CAMK1D: variants seen among roughly 807,000 people sequenced by gnomAD.
CAMK1D encodes calcium/calmodulin dependent protein kinase ID, also known as calcium/calmodulin-dependent protein kinase type 1D.
Under a neutral mutation model 47.7 loss-of-function variants are expected in CAMK1D, and 9 were observed. That is an observed-to-expected ratio of 0.19 (90% confidence interval 0.11 to 0.33). The LOEUF (loss-of-function observed/expected upper bound fraction) is 0.33, where lower values mean the gene tolerates loss of function less well. Among genes scored for constraint, CAMK1D ranks in the 10% least tolerant of loss-of-function variants. The pLI, the probability that CAMK1D is intolerant of heterozygous loss-of-function variation, is 1.00. For missense variants in CAMK1D, 291 were observed against 488.7 expected, an observed-to-expected ratio of 0.60 and a Z score of 3.81; for synonymous variants, 184 against 184.9, an observed-to-expected ratio of 0.99 and a Z score of 0.04.
intron 1 of CAMK1D, among the ~76,000 whole-genome samples, chr10:12,484,382 C>G (rs1468700047): frequency 1.3e-5 from 2 of 152,156 alleles, no homozygotes; most frequent in African/African-American, 4.8e-5. Flanking sequence ...AGATCCTGGG[C>G]TAAAACAGGA....
intron 1 of CAMK1D, among the ~76,000 whole-genome samples, chr10:12,482,283 G>C (rs761869563): frequency 9.2e-5 from 14 of 152,162 alleles, no homozygotes; most frequent in Non-Finnish European, 1.3e-4. Context: ...GGAAGCTGGG[G>C]GTGGTTCTGG....
intron 3 of CAMK1D, chr10:12,760,657 T>A (rs909309015): frequency 3.9e-6 from 1 of 254,346 alleles, no homozygotes. Context: ...AGGGTTTTTT[T>A]AAACTTTACA....
intron 6 of CAMK1D, among the ~76,000 whole-genome samples, chr10:12,812,289 A>G (rs1054052331): frequency 4.6e-5 from 7 of 152,166 alleles, no homozygotes; most frequent in African/African-American, 1.4e-4. Context: ...ATGTTGATCT[A>G]TGTGGTACAA....
intron 3 of CAMK1D, among the ~76,000 whole-genome samples, chr10:12,725,093 G>A (rs1470312281): frequency 6.6e-6 from 1 of 152,172 alleles, no homozygotes; most frequent in Admixed American, 6.5e-5. Context: ...CGTGTGGACT[G>A]GGGGCAGCTG....
chr10:12,657,352 G>C (rs1014415723), intron 2 of CAMK1D, among the ~76,000 whole-genome samples: 1 of 152,076 alleles, frequency 6.6e-6, no homozygotes, highest in African/African-American at 2.4e-5. Context: ...TTGAACCTAG[G>C]AGGCTGAGGT....
intron 8 of CAMK1D, 53 bp downstream of exon 8, chr10:12,816,381 G>A (rs1235999181): frequency 1.9e-5 from 27 of 1,447,782 alleles, no homozygotes. Flanking sequence ...CATCTGGGGG[G>A]GGCACGAAAC....
intron 1 of CAMK1D, among the ~76,000 whole-genome samples, chr10:12,360,956 G>A (rs1297819323): frequency 1.3e-5 from 2 of 152,068 alleles, no homozygotes; most frequent in Non-Finnish European, 2.9e-5. Flanking sequence ...TAGTGTCCAC[G>A]TCACCAGGAA....
At chr10:12,789,540 G>A (rs1320960933) in intron 5 of CAMK1D, among the ~76,000 whole-genome samples, 4 of 152,186 alleles carry the variant, frequency 2.6e-5, no homozygotes, top group Admixed American at 6.5e-5. Context: ...TCAAAGGATT[G>A]TAGCAGAAAA....
At chr10:12,541,449 C>T (rs983125180) in intron 1 of CAMK1D, among the ~76,000 whole-genome samples, 9 of 152,078 alleles carry the variant, frequency 5.9e-5, no homozygotes, top group Non-Finnish European at 1.0e-4. Context: ...CTGCAACCTC[C>T]GCTGCCTGGG....
chr10:12,768,029 C>T (rs971452343), intron 4 of CAMK1D, among the ~76,000 whole-genome samples: 7 of 152,142 alleles, frequency 4.6e-5, no homozygotes, highest in African/African-American at 9.7e-5. Flanking sequence ...TGTGCCACCA[C>T]GCCCGGCTAA....
At chr10:12,358,667 G>T (rs1347370369) in intron 1 of CAMK1D, among the ~76,000 whole-genome samples, 6 of 152,180 alleles carry the variant, frequency 3.9e-5, no homozygotes, top group Admixed American at 3.9e-4. Flanking sequence ...AGATCGTTCT[G>T]GTGCAGGCAT....
At chr10:12,418,946 C>T (rs939818914) in intron 1 of CAMK1D, among the ~76,000 whole-genome samples, 20 of 152,130 alleles carry the variant, frequency 1.3e-4, no homozygotes, top group African/African-American at 2.9e-4. Flanking sequence ...GCCTCAGTCG[C>T]GGGCGTGGTG....
At chr10:12,558,131 G>T (rs544580405) in intron 2 of CAMK1D, among the ~76,000 whole-genome samples, 1 of 152,346 alleles carries the variant, frequency 6.6e-6, no homozygotes, top group South Asian at 2.1e-4. Context: ...ACAGTTAGTT[G>T]TGATCCCACA....
intron 1 of CAMK1D, among the ~76,000 whole-genome samples, chr10:12,396,202 G>GC (rs928029083): frequency 1.3e-5 from 2 of 152,108 alleles, no homozygotes; most frequent in African/African-American, 2.4e-5. Flanking sequence ...GTGTTCAGTA[G>GC]CCCCCGGTCC....
intron 1 of CAMK1D, among the ~76,000 whole-genome samples, chr10:12,492,548 A>G (rs1834419255): frequency 6.6e-6 from 1 of 152,132 alleles, no homozygotes; most frequent in African/African-American, 2.4e-5. Context: ...AATCCCAGCT[A>G]CTTGGGAGGT....
chr10:12,486,911 G>A (rs1834235878), intron 1 of CAMK1D, among the ~76,000 whole-genome samples: 2 of 152,236 alleles, frequency 1.3e-5, no homozygotes, highest in South Asian at 4.1e-4. Flanking sequence ...ACACCCCAGC[G>A]TGGGTGACAG....
intron 1 of CAMK1D, among the ~76,000 whole-genome samples, chr10:12,438,153 T>C (rs1832687129): frequency 6.6e-6 from 1 of 152,216 alleles, no homozygotes; most frequent in African/African-American, 2.4e-5. Context: ...TGAGGGGCCT[T>C]TTGAAGCACG....
At chr10:12,409,653 A>C (rs1330787430) in intron 1 of CAMK1D, among the ~76,000 whole-genome samples, 1 of 152,260 alleles carries the variant, frequency 6.6e-6, no homozygotes, top group Non-Finnish European at 1.5e-5. Context: ...TTCTTTAAAG[A>C]GTACCATTCT....
chr10:12,518,308 C>T (rs1043852840), intron 1 of CAMK1D, among the ~76,000 whole-genome samples: 1 of 152,152 alleles, frequency 6.6e-6, no homozygotes, highest in Non-Finnish European at 1.5e-5. Context: ...ATGACAGAGA[C>T]CATATGACCA....
Sources: gnomAD v4.1 joint callset for allele counts (sites outside exome capture counted in the v4.1 genomes callset) on GRCh38, gnomAD v4.1.1 for gene constraint, MANE v1.5 for transcripts, NCBI Gene and HGNC (gene_info 2026-07-23, HGNC 2026-07-21) for gene names.